Variants in NAPEPLD observed in about 807,000 individuals in gnomAD.
NAPEPLD encodes N-acyl phosphatidylethanolamine phospholipase D.
In NAPEPLD, 23 loss-of-function variants were observed where a neutral mutation model predicts 38.1. The ratio of observed to expected loss-of-function variants is 0.60; its 90% CI spans 0.43 to 0.86. The LOEUF (loss-of-function observed/expected upper bound fraction) is 0.86. Ranked by LOEUF, NAPEPLD falls within the 40% of genes least tolerant of loss-of-function variation. NAPEPLD has a pLI of 0.00. For synonymous variants in NAPEPLD, 147 were observed against 162.0 expected, an observed-to-expected ratio of 0.91 and a Z score of 0.71; for missense variants, 411 against 476.8, an observed-to-expected ratio of 0.86 and a Z score of 1.28.
chr7:103,118,055 G>A (rs1805909196), intron 3 of NAPEPLD, among the ~76,000 whole-genome samples: 1 of 152,130 alleles, frequency 6.6e-6, no homozygotes, highest in African/African-American at 2.4e-5. Flanking sequence ...CAGGCATGGT[G>A]GCAGGCGCCT....
rs965046471 is a variant in NAPEPLD at position 103,107,446 on chromosome 7, A to AC, written c.1057-3893dup. ...GGCTTTAGAAGGTGGGTAATAACAA[A>AC]CCCCTCCGAGCTAAAGGAGCGTATT... is the stretch of plus-strand genomic sequence containing the variant. On this transcript the variant is annotated intron_variant, in intron 4 of 4. Coordinates refer to ENST00000465647, the MANE Select transcript of NAPEPLD (RefSeq NM_001122838.3). Among the ~76,000 whole-genome samples the AC allele has an allele frequency of 3.7e-4, 57 of 152,078 alleles. 2 individuals carry two copies. Among genetic ancestry groups the AC allele is most frequent in the Admixed American group, 3.0e-3 (46 of 15,250 alleles).
intron 3 of NAPEPLD, among the ~76,000 whole-genome samples, chr7:103,116,750 A>C (rs2129528305): frequency 6.6e-6 from 1 of 152,328 alleles, no homozygotes; most frequent in East Asian, 1.9e-4. Flanking sequence ...AGGGCTCAGG[A>C]GGCAGAAGGC....
intron 1 of NAPEPLD, among the ~76,000 whole-genome samples, chr7:103,130,712 C>T (rs1808757407): frequency 6.6e-6 from 1 of 152,150 alleles, no homozygotes. Context: ...TCTCCCACCT[C>T]AGCCTCCCAA....
intron 4 of NAPEPLD, among the ~76,000 whole-genome samples, chr7:103,106,514 C>A (rs552978344): frequency 5.9e-5 from 9 of 152,210 alleles, no homozygotes; most frequent in Admixed American, 1.3e-4. Context: ...GAAATTTTCG[C>A]TGCCAGCACA....
chr7:103,103,345 A>G lies in NAPEPLD; in HGVS notation c.*84T>C. On this transcript the variant is annotated 3_prime_UTR_variant, in exon 5 of 5. Coordinates refer to ENST00000465647, the MANE Select transcript of NAPEPLD (RefSeq NM_001122838.3). The stretch of plus-strand genomic sequence containing the variant: ...TGTTTCCAAATGTAAAATAATCACA[A>G]TATTCATGAATTTCTAAGTCTTTTC... 7.2e-7 allele frequency: 1 copy of G among 1,392,194 alleles called. No individual in the cohort carries two copies. The allele number at this position is 1,392,194 out of a possible 1,614,324, so 86.2% of individuals were successfully genotyped here. A position where few individuals can be genotyped will look rare whatever the true frequency, so the allele number is the denominator to read the frequency against.
At chr7:103,114,956 G>T in intron 4 of NAPEPLD, 104 bp downstream of exon 4, 2 of 772,388 alleles carry the variant, frequency 2.6e-6, no homozygotes, top group Non-Finnish European at 2.2e-6. Context: ...TGACTGTGCA[G>T]TATCTGATTC....
chr7:103,106,944 G>A (rs1803494262), intron 4 of NAPEPLD, among the ~76,000 whole-genome samples: 1 of 152,184 alleles, frequency 6.6e-6, no homozygotes, highest in African/African-American at 2.4e-5. Context: ...TGACCCCTGT[G>A]TATCCTGGCT....
intron 2 of NAPEPLD, chr7:103,127,164 C>G (rs1014456554): frequency 1.3e-5 from 2 of 152,064 alleles, no homozygotes; most frequent in African/African-American, 4.8e-5. Context: ...AACTACACAT[C>G]GTGGCAATTT....
intron 1 of NAPEPLD, among the ~76,000 whole-genome samples, chr7:103,132,916 T>G (rs561050662): frequency 6.6e-6 from 1 of 152,186 alleles, no homozygotes; most frequent in Non-Finnish European, 1.5e-5. Flanking sequence ...TCACCTCCCA[T>G]CCACTCAGTC....
chr7:103,113,139 G>C (rs983879084), intron 4 of NAPEPLD, among the ~76,000 whole-genome samples: 34 of 152,052 alleles, frequency 2.2e-4, no homozygotes, highest in Admixed American at 2.0e-3. Flanking sequence ...CCATATATAT[G>C]GAATATACAT....
chr7:103,109,360 T>C (rs529627714), intron 4 of NAPEPLD, among the ~76,000 whole-genome samples: 2 of 152,164 alleles, frequency 1.3e-5, no homozygotes, highest in Non-Finnish European at 2.9e-5. Context: ...CCTCAACAAA[T>C]GCAAAAGAAA....
chr7:103,117,342 G>A (rs1805776926), intron 3 of NAPEPLD, among the ~76,000 whole-genome samples: 1 of 152,216 alleles, frequency 6.6e-6, no homozygotes, highest in Non-Finnish European at 1.5e-5. Flanking sequence ...AGGGAAAGAT[G>A]AAAATGGTTT....
At chr7:103,124,196 C>T (rs973228905) in intron 2 of NAPEPLD, among the ~76,000 whole-genome samples, 9 of 151,926 alleles carry the variant, frequency 5.9e-5, no homozygotes, top group South Asian at 4.1e-4. Context: ...CAGTGGCTCA[C>T]GCCTGTAATC....
intron 2 of NAPEPLD, among the ~76,000 whole-genome samples, chr7:103,125,890 A>AAAT (rs142799732): frequency 0.015 from 2,237 of 145,350 alleles, 27 homozygotes; most frequent in Non-Finnish European, 0.018. Flanking sequence ...TCTGTCTCAA[A>AAAT]AATAATAATA....
At chr7:103,136,807 T>C (rs1315135850) in intron 1 of NAPEPLD, among the ~76,000 whole-genome samples, 1 of 152,252 alleles carries the variant, frequency 6.6e-6, no homozygotes, top group Non-Finnish European at 1.5e-5. Context: ...TAAAAAAATG[T>C]ATTTTCTTTT....
chr7:103,111,287 A>C (rs557265420), intron 4 of NAPEPLD, among the ~76,000 whole-genome samples: 1 of 152,346 alleles, frequency 6.6e-6, no homozygotes, highest in South Asian at 2.1e-4. Context: ...ACAAAAAAAG[A>C]GCCCACATAG....
At chr7:103,136,874 T>C (rs1476306887) in intron 1 of NAPEPLD, among the ~76,000 whole-genome samples, 3 of 152,218 alleles carry the variant, frequency 2.0e-5, no homozygotes, top group Non-Finnish European at 2.9e-5. Flanking sequence ...AAAAATTATT[T>C]TGACAAATAA....
At chr7:103,120,254 G>T in intron 2 of NAPEPLD, 31 bp from the exon 3 acceptor site, 1 of 1,572,600 alleles carries the variant, frequency 6.4e-7, no homozygotes. Flanking sequence ...AGACAAAAGA[G>T]TAGTTAGAAA....
At chr7:103,131,824 TG>T (rs1379899172) in intron 1 of NAPEPLD, among the ~76,000 whole-genome samples, 1 of 152,106 alleles carries the variant, frequency 6.6e-6, no homozygotes, top group African/African-American at 2.4e-5. Flanking sequence ...TAAAAGGCTG[TG>T]TACTTAAGGG....
Sources: gnomAD v4.1 joint callset for allele counts (sites outside exome capture counted in the v4.1 genomes callset) on GRCh38, gnomAD v4.1.1 for gene constraint, MANE v1.5 for transcripts, NCBI Gene and HGNC (gene_info 2026-07-23, HGNC 2026-07-21) for gene names.